TGM6: variants seen among roughly 807,000 people sequenced by gnomAD.
The protein encoded by TGM6 is transglutaminase 6.
Under a neutral mutation model 77.5 loss-of-function variants are expected in TGM6, and 74 were observed. The observed-to-expected ratio is 0.96, with a 90% CI of 0.79 to 1.16. TGM6 has a LOEUF of 1.16. Among genes scored for constraint, TGM6 ranks in the 50% most tolerant of loss-of-function variants. TGM6 has a pLI of 0.00. For synonymous variants in TGM6, 383 were observed against 378.9 expected, an observed-to-expected ratio of 1.01 and a Z score of -0.12; for missense variants, 968 against 940.2, an observed-to-expected ratio of 1.03 and a Z score of -0.39.
intron 5 of TGM6, 108 bp from the exon 6 acceptor site, chr20:2,399,453 T>A (rs1256611785): frequency 6.7e-7 from 1 of 1,492,628 alleles, no homozygotes. Flanking sequence ...AAAGCAAGAG[T>A]GACCCCGATG....
intron 9 of TGM6, among the ~76,000 whole-genome samples, chr20:2,413,461 G>A (rs931992888): frequency 3.9e-5 from 6 of 152,128 alleles, no homozygotes; most frequent in Admixed American, 2.6e-4. Context: ...AACCCAGACA[G>A]TGTGATACTG....
intron 12 of TGM6, among the ~76,000 whole-genome samples, chr20:2,432,194 G>T (rs929197283): frequency 6.6e-6 from 1 of 152,042 alleles, no homozygotes; most frequent in Non-Finnish European, 1.5e-5. Flanking sequence ...GATTACAGGT[G>T]TGCACCACTG....
intron 9 of TGM6, among the ~76,000 whole-genome samples, chr20:2,411,476 A>G (rs1193021342): frequency 6.6e-6 from 1 of 152,170 alleles, no homozygotes; most frequent in Non-Finnish European, 1.5e-5. Flanking sequence ...CACTCAACAA[A>G]TTAAGAATAG....
rs189654631 is a variant in TGM6, at chr20:2,427,848, C to T, written c.1679-2598C>T. Reference sequence around the variant, plus strand: ...ATGGCTCACTGTAGCCTCAACTTCCCAGGCTCAGGTGATTCTCCCTCCTCA... The same window carrying T: ...ATGGCTCACTGTAGCCTCAACTTCCTAGGCTCAGGTGATTCTCCCTCCTCA... On this transcript the variant is annotated intron_variant, in intron 10 of 12. Coordinates refer to ENST00000202625, the MANE Select transcript of TGM6 (RefSeq NM_198994.3). Among the ~76,000 whole-genome samples, 88 of 152,234 alleles carry T rather than the reference C, an allele frequency of 5.8e-4. 1 individual carries two copies. The highest frequency in any genetic ancestry group is 5.8e-3 in the Admixed American group (88 of 15,284).
rs778034092 is a variant in TGM6 at position 2,432,612 on chromosome 20, T to C, written c.2090T>C (p.Phe697Ser). ...VSPHFPDIKG[F>S]VIVHVATAK ...CCTCACTTCCCGGACATCAAGGGCT[T>C]TGTGATCGTCCATGTGGCCACTGCC... is the stretch of plus-strand genomic sequence containing the variant. The change falls in exon 13 of 13, where the codon TTT (phenylalanine) becomes TCT (serine). Residue 697 changes from phenylalanine to serine, a missense_variant. Transcript: ENST00000202625. 1 of 1,614,116 alleles carries C rather than the reference T, an allele frequency of 6.2e-7. No homozygotes were observed. Among genetic ancestry groups the C allele is most frequent in the Non-Finnish European group, 8.5e-7 (1 of 1,180,012 alleles).
intron 1 of TGM6, among the ~76,000 whole-genome samples, chr20:2,392,600 G>T (rs147556082): frequency 5.9e-5 from 9 of 152,300 alleles, no homozygotes; most frequent in African/African-American, 2.2e-4. Flanking sequence ...TGCAGAGCGG[G>T]GAACTGAGAG....
chr20:2,420,177 A>G lies in TGM6; in HGVS notation c.1678+2604A>G, dbSNP rs1052628173. 3.3e-5 allele frequency among the ~76,000 whole-genome samples: 5 copies of G among 152,272 alleles called. No homozygotes were observed. The East Asian group carries it at 5.8e-4, about 18-fold the overall frequency. On this transcript the variant is annotated intron_variant, in intron 10 of 12. Coordinates refer to ENST00000202625, the MANE Select transcript of TGM6 (RefSeq NM_198994.3). ...GGAGAAAGGCGTGAACCCAGGAGGC[A>G]GAGCTTGCAGTGAGCCGAGATCGCG...
intron 3 of TGM6, among the ~76,000 whole-genome samples, chr20:2,396,158 C>G (rs143245464): frequency 7.6e-6 from 1 of 132,058 alleles, no homozygotes; most frequent in African/African-American, 2.9e-5. Flanking sequence ...CCAGCCTGGG[C>G]AACAAGAGCA....
intron 10 of TGM6, among the ~76,000 whole-genome samples, chr20:2,423,455 T>G (rs2179828): frequency 0.22 from 33,923 of 152,018 alleles, 3,971 homozygotes; most frequent in South Asian, 0.3. Context: ...AACACTTTCT[T>G]TGCTCACACA....
intron 12 of TGM6, among the ~76,000 whole-genome samples, chr20:2,431,384 A>G (rs1167373845): frequency 6.6e-6 from 1 of 151,826 alleles, no homozygotes; most frequent in African/African-American, 2.4e-5. Context: ...TTTTTCATTC[A>G]CTTATTCCTA....
chr20:2,394,360 A>G, intron 1 of TGM6, 92 bp from the exon 2 acceptor site: 5 of 1,442,688 alleles, frequency 3.5e-6, no homozygotes, highest in Non-Finnish European at 4.8e-6. Context: ...TGGATGAACA[A>G]ATGACTGGCC....
intron 12 of TGM6, 101 bp downstream of exon 12, chr20:2,431,128 A>T: frequency 1.3e-6 from 2 of 1,510,308 alleles, no homozygotes; most frequent in Non-Finnish European, 9.0e-7. Flanking sequence ...GAGATTCTGG[A>T]CACCCCAGGA....
intron 9 of TGM6, among the ~76,000 whole-genome samples, chr20:2,406,831 C>CAAAAAAAAAAAAAAAAAAAAAAAA (rs3050731): frequency 3.1e-5 from 2 of 63,688 alleles, no homozygotes; most frequent in African/African-American, 4.5e-5. Flanking sequence ...CGAAACTCCT[C>CAAAAAAAAAAAAAAAAAAAAAAAA]AAAAAAAAAA....
chr20:2,432,660 G>A lies in TGM6; in HGVS notation c.*17G>A. 2 of 1,614,106 alleles carry A rather than the reference G, an allele frequency of 1.2e-6. No homozygotes were observed. The highest frequency in any genetic ancestry group is 2.2e-5 in the South Asian group (2 of 91,068). On this transcript the variant is annotated 3_prime_UTR_variant, in exon 13 of 13. Coordinates refer to ENST00000202625, the MANE Select transcript of TGM6 (RefSeq NM_198994.3). The stretch of plus-strand genomic sequence containing the variant: ...GCCAAGTGATGGATCATGAGGGACT[G>A]AGAGGGGTGGATTTGGCCCCTGTCC...
intron 9 of TGM6, among the ~76,000 whole-genome samples, chr20:2,406,891 TCCTGTTACATGATAACAGTGATGACAATC>T: frequency 8.0e-6 from 1 of 124,296 alleles, no homozygotes; most frequent in Non-Finnish European, 1.7e-5. Context: ...GAAATTAACA[TCCTGTTACATGATAACAGTGATGACAATC>T]ACTGTTACTG....
At chr20:2,413,844 GC>G (rs1478581831) in intron 9 of TGM6, among the ~76,000 whole-genome samples, 1 of 152,140 alleles carries the variant, frequency 6.6e-6, no homozygotes, top group African/African-American at 2.4e-5. Flanking sequence ...GTTAGACCAA[GC>G]CTTTTCAGAA....
intron 9 of TGM6, among the ~76,000 whole-genome samples, chr20:2,412,422 C>T (rs1024246479): frequency 6.6e-6 from 1 of 152,036 alleles, no homozygotes; most frequent in Non-Finnish European, 1.5e-5. Flanking sequence ...GATGGTTACA[C>T]AACAATATGA....
chr20:2,399,528 C>A, intron 5 of TGM6, 33 bp from the exon 6 acceptor site: 1 of 1,612,100 alleles, frequency 6.2e-7, no homozygotes, highest in South Asian at 1.1e-5. Context: ...GGAAGCCCTG[C>A]CTGGTTGTGG....
intron 9 of TGM6, among the ~76,000 whole-genome samples, chr20:2,416,325 A>G (rs2122406377): frequency 6.6e-6 from 1 of 152,334 alleles, no homozygotes; most frequent in Admixed American, 6.5e-5. Context: ...GATCAAAGAA[A>G]TTGAACTAAG....
Sources: allele counts gnomAD v4.1 joint callset (sites outside exome capture counted in the v4.1 genomes callset), GRCh38; gene constraint gnomAD v4.1.1; transcripts MANE v1.5; gene names NCBI Gene and HGNC (gene_info 2026-07-23, HGNC 2026-07-21).